The following GARIN1A variants were observed in gnomAD, a reference collection of about 807,000 sequenced individuals.
GARIN1A encodes golgi associated RAB2 interactor 1A.
the GARIN1A span, among the ~76,000 whole-genome samples, chr7:128,700,481 T>C: frequency 6.6e-6 from 1 of 152,068 alleles, no homozygotes; most frequent in Non-Finnish European, 1.5e-5. Flanking sequence ...GGTTTCACTA[T>C]GTTGGCCAGG....
At chr7:128,692,062 A>G in the GARIN1A span, among the ~76,000 whole-genome samples, 1 of 152,136 alleles carries the variant, frequency 6.6e-6, no homozygotes. Flanking sequence ...CCTATTCTCC[A>G]TGCCTGGTTC....
At chr7:128,681,113 G>A in the GARIN1A span, among the ~76,000 whole-genome samples, 1 of 152,224 alleles carries the variant, frequency 6.6e-6, no homozygotes, top group African/African-American at 2.4e-5. Context: ...CTGGATAAAA[G>A]CTGGCTTTCT....
chr7:128,705,216 A>G, the GARIN1A span, among the ~76,000 whole-genome samples: 1 of 152,208 alleles, frequency 6.6e-6, no homozygotes, highest in Non-Finnish European at 1.5e-5. Flanking sequence ...CATACATGGA[A>G]TTTGGTTTCC....
At chr7:128,676,048 C>T in the GARIN1A span, among the ~76,000 whole-genome samples, 2 of 137,574 alleles carry the variant, frequency 1.5e-5, no homozygotes, top group African/African-American at 5.5e-5. Context: ...GAGACAGAGT[C>T]TCGCTCTGTT....
the GARIN1A span, chr7:128,684,641 T>C: frequency 8.0e-6 from 1 of 124,296 alleles, no homozygotes; most frequent in East Asian, 2.3e-4. Context: ...AAAAAAAGAA[T>C]AAATTAGGTC....
the GARIN1A span, among the ~76,000 whole-genome samples, chr7:128,681,883 C>A: frequency 0.16 from 15,600 of 99,866 alleles, 937 homozygotes; most frequent in East Asian, 0.31. Flanking sequence ...CACACTGCAC[C>A]CCCCCCCACA....
the GARIN1A span, chr7:128,685,908 G>C: frequency 6.6e-6 from 1 of 152,106 alleles, no homozygotes; most frequent in African/African-American, 2.4e-5. Context: ...CCCTCACCTA[G>C]ACTATTGTAT....
chr7:128,687,935 A>T, the GARIN1A span: 1 of 152,056 alleles, frequency 6.6e-6, no homozygotes, highest in East Asian at 1.9e-4. Context: ...TTGCTTGCCT[A>T]GTCATTTTTT....
At chr7:128,701,325 AGGGG>A in the GARIN1A span, among the ~76,000 whole-genome samples, 1 of 77,580 alleles carries the variant, frequency 1.3e-5, no homozygotes, top group Non-Finnish European at 2.7e-5. Context: ...TCTATAGGGG[AGGGG>A]GAGGGGAGGG....
At chr7:128,672,181 CT>C in the GARIN1A span, 1,858 of 435,820 alleles carry the variant, frequency 4.3e-3, no homozygotes, top group South Asian at 6.8e-3. Context: ...CCTTCCTCTT[CT>C]TTTTTTTTTC....
At chr7:128,673,167 T>C in the GARIN1A span, among the ~76,000 whole-genome samples, 1 of 152,090 alleles carries the variant, frequency 6.6e-6, no homozygotes, top group Non-Finnish European at 1.5e-5. Flanking sequence ...CATAACCAGT[T>C]AATCAGCCAG....
the GARIN1A span, among the ~76,000 whole-genome samples, chr7:128,676,237 C>T: frequency 3.9e-5 from 6 of 152,086 alleles, no homozygotes; most frequent in Admixed American, 1.3e-4. Flanking sequence ...GTCTCGATCT[C>T]CTGATCTCGT....
At chr7:128,672,791 C>T in the GARIN1A span, among the ~76,000 whole-genome samples, 1 of 152,140 alleles carries the variant, frequency 6.6e-6, no homozygotes, top group Admixed American at 6.5e-5. Context: ...TTATGCTTTA[C>T]AAATGAGAGA....
the GARIN1A span, among the ~76,000 whole-genome samples, chr7:128,674,299 A>T: frequency 0.14 from 21,471 of 151,950 alleles, 1,741 homozygotes; most frequent in African/African-American, 0.21. Context: ...TTAAAAAAAA[A>T]TTTTTGATAG....
the GARIN1A span, among the ~76,000 whole-genome samples, chr7:128,702,476 CATATT>C: frequency 6.6e-6 from 1 of 152,062 alleles, no homozygotes; most frequent in African/African-American, 2.4e-5. Context: ...ACTGTAGAAG[CATATT>C]ATGACTATTA....
At chr7:128,707,190 G>A in the GARIN1A span, among the ~76,000 whole-genome samples, 7 of 147,414 alleles carry the variant, frequency 4.7e-5, no homozygotes, top group Admixed American at 2.1e-4. Flanking sequence ...TTTTCCTTCT[G>A]CCCTATTATT....
the GARIN1A span, among the ~76,000 whole-genome samples, chr7:128,681,257 C>A: frequency 0.27 from 40,967 of 152,070 alleles, 5,882 homozygotes; most frequent in East Asian, 0.54. Context: ...CTGAACTTAT[C>A]ACATCTTCTT....
chr7:128,675,727 T>C, the GARIN1A span: 3 of 1,613,884 alleles, frequency 1.9e-6, no homozygotes, highest in Non-Finnish European at 1.7e-6. Flanking sequence ...GCCACCGTGA[T>C]CCTCGGGGTC....
chr7:128,681,538 G>A, the GARIN1A span, among the ~76,000 whole-genome samples: 6 of 138,270 alleles, frequency 4.3e-5, no homozygotes, highest in African/African-American at 1.6e-4. Context: ...GTCTCACTCT[G>A]TTGCCCAGGC....
Sources: allele counts gnomAD v4.1 joint callset (sites outside exome capture counted in the v4.1 genomes callset), GRCh38; gene constraint gnomAD v4.1.1; transcripts MANE v1.5; gene names NCBI Gene and HGNC (gene_info 2026-07-23, HGNC 2026-07-21).